Variants in FSTL5 observed in about 807,000 individuals in gnomAD.
FSTL5 encodes the protein follistatin like 5, also known as follistatin-related protein 5.
A neutral mutation model predicts 89.1 loss-of-function variants in FSTL5; 62 were observed. That is an observed-to-expected ratio of 0.70 (90% CI 0.57 to 0.86). The LOEUF (loss-of-function observed/expected upper bound fraction) is 0.86, where lower values mean the gene tolerates loss of function less well. Ranked by LOEUF, FSTL5 falls within the 40% of genes least tolerant of loss-of-function variation. The pLI is 0.00. For missense variants in FSTL5, 1,057 were observed against 1,001.6 expected, an observed-to-expected ratio of 1.06 and a Z score of -0.75; for synonymous variants, 383 against 346.2, an observed-to-expected ratio of 1.11 and a Z score of -1.18.
intron 7 of FSTL5, among the ~76,000 whole-genome samples, chr4:161,601,154 A>G (rs1287981039): frequency 4.6e-5 from 7 of 152,116 alleles, no homozygotes. Flanking sequence ...CATCTTCTTA[A>G]TGGACTTCAC....
intron 1 of FSTL5, among the ~76,000 whole-genome samples, chr4:162,118,648 G>A (rs1230087078): frequency 2.6e-5 from 4 of 152,124 alleles, no homozygotes; most frequent in South Asian, 2.1e-4. Flanking sequence ...CTGCCGCCCC[G>A]TCATTGTACC....
At chr4:161,896,997 A>G (rs1733178992) in intron 4 of FSTL5, among the ~76,000 whole-genome samples, 2 of 152,044 alleles carry the variant, frequency 1.3e-5, no homozygotes, top group Non-Finnish European at 1.5e-5. Flanking sequence ...CAGTGGCACA[A>G]TCTCGGCTCA....
At chr4:161,756,790 C>A (rs1434254532) in intron 6 of FSTL5, among the ~76,000 whole-genome samples, 1 of 152,114 alleles carries the variant, frequency 6.6e-6, no homozygotes, top group African/African-American at 2.4e-5. Context: ...TCACATATTT[C>A]TATTGTTTCT....
intron 4 of FSTL5, among the ~76,000 whole-genome samples, chr4:161,861,045 T>G (rs1234992287): frequency 6.6e-6 from 1 of 152,208 alleles, no homozygotes; most frequent in Non-Finnish European, 1.5e-5. Context: ...ATATCTTTAT[T>G]CAGTGAATTG....
intron 1 of FSTL5, among the ~76,000 whole-genome samples, chr4:162,151,294 G>A (rs1733214523): frequency 6.6e-6 from 1 of 152,156 alleles, no homozygotes; most frequent in African/African-American, 2.4e-5. Flanking sequence ...AATAACTTGA[G>A]ATAGTTTTTA....
intron 4 of FSTL5, among the ~76,000 whole-genome samples, chr4:161,778,766 C>T (rs553792899): frequency 5.9e-5 from 9 of 152,246 alleles, no homozygotes; most frequent in Admixed American, 3.3e-4. Context: ...TAATCAAATC[C>T]GTAGCCATTG....
chr4:161,713,784 A>G (rs1308898143), intron 6 of FSTL5, among the ~76,000 whole-genome samples: 2 of 151,932 alleles, frequency 1.3e-5, no homozygotes, highest in African/African-American at 4.8e-5. Flanking sequence ...CTGTGATCAT[A>G]TTTTCATTTT....
chr4:161,394,550 C>G (rs981738725), intron 15 of FSTL5, among the ~76,000 whole-genome samples: 1 of 152,172 alleles, frequency 6.6e-6, no homozygotes, highest in Admixed American at 6.5e-5. Context: ...GCAGAGATTA[C>G]AGGCGTGAGC....
At chr4:161,930,904 T>C (rs1734268099) in intron 3 of FSTL5, among the ~76,000 whole-genome samples, 1 of 151,842 alleles carries the variant, frequency 6.6e-6, no homozygotes, top group African/African-American at 2.4e-5. Flanking sequence ...ACGGAGTCAA[T>C]CTGCTGCCTG....
chr4:161,888,330 T>C (rs955859228), intron 4 of FSTL5, among the ~76,000 whole-genome samples: 1 of 152,094 alleles, frequency 6.6e-6, no homozygotes, highest in East Asian at 1.9e-4. Flanking sequence ...AGAAGACCCA[T>C]AGTTCTTGAT....
intron 10 of FSTL5, 100 bp downstream of exon 10, chr4:161,538,066 T>G (rs1309634821): frequency 3.8e-6 from 4 of 1,054,930 alleles, no homozygotes; most frequent in Non-Finnish European, 5.7e-6. Context: ...TAATGCATTG[T>G]GCAATTCACA....
intron 4 of FSTL5, among the ~76,000 whole-genome samples, chr4:161,837,861 T>C (rs924162168): frequency 2.0e-5 from 3 of 152,170 alleles, no homozygotes; most frequent in Non-Finnish European, 4.4e-5. Flanking sequence ...CTGACTCACT[T>C]GAAATTTTGA....
At chr4:161,676,226 T>A (rs1737294971) in intron 6 of FSTL5, among the ~76,000 whole-genome samples, 1 of 152,114 alleles carries the variant, frequency 6.6e-6, no homozygotes, top group African/African-American at 2.4e-5. Context: ...TCTTATGGTA[T>A]GATACCTTAT....
chr4:161,678,802 G>C (rs1396562285), intron 6 of FSTL5, among the ~76,000 whole-genome samples: 4 of 151,776 alleles, frequency 2.6e-5, no homozygotes, highest in Non-Finnish European at 3.0e-5. Context: ...ATTTACTGTA[G>C]ATTATTTTGG....
At chr4:161,663,288 C>T (rs1348456640) in intron 6 of FSTL5, among the ~76,000 whole-genome samples, 1 of 152,150 alleles carries the variant, frequency 6.6e-6, no homozygotes, top group African/African-American at 2.4e-5. Flanking sequence ...AGTCCAAAGT[C>T]TCATCTGAGA....
chr4:161,754,569 G>A (rs1740509030), intron 6 of FSTL5, among the ~76,000 whole-genome samples: 1 of 152,078 alleles, frequency 6.6e-6, no homozygotes, highest in African/African-American at 2.4e-5. Context: ...AGGAAATGAA[G>A]TACATAGGAA....
intron 8 of FSTL5, among the ~76,000 whole-genome samples, chr4:161,549,508 T>C (rs1309572457): frequency 1.3e-5 from 2 of 151,920 alleles, no homozygotes; most frequent in Non-Finnish European, 2.9e-5. Flanking sequence ...CCACAGGATG[T>C]ATGTTACAGG....
chr4:162,004,815 C>T (rs150185167), intron 3 of FSTL5, among the ~76,000 whole-genome samples: 352 of 152,226 alleles, frequency 2.3e-3, no homozygotes, highest in African/African-American at 8.1e-3. Context: ...ATGTAACTAA[C>T]TTCAGTGCCT....
intron 6 of FSTL5, among the ~76,000 whole-genome samples, chr4:161,713,086 A>G (rs1487459318): frequency 6.6e-6 from 1 of 152,180 alleles, no homozygotes; most frequent in African/African-American, 2.4e-5. Context: ...GTAAGTGTTC[A>G]GAGGTATAGG....
Sources: gnomAD v4.1 joint callset for allele counts (sites outside exome capture counted in the v4.1 genomes callset) on GRCh38, gnomAD v4.1.1 for gene constraint, MANE v1.5 for transcripts, NCBI Gene and HGNC (gene_info 2026-07-23, HGNC 2026-07-21) for gene names.